ASPH: variants seen among roughly 807,000 people sequenced by gnomAD.
The protein encoded by ASPH is aspartate beta-hydroxylase.
Under a neutral mutation model 118.4 loss-of-function variants are expected in ASPH, and 100 were observed. The observed-to-expected ratio is 0.84, with a 90% CI of 0.72 to 1.00. The LOEUF is 1.00. ASPH is among the 50% of genes least tolerant of loss of function. The pLI, the probability that ASPH is intolerant of heterozygous loss-of-function variation, is 0.00. For missense variants in ASPH, 920 were observed against 919.5 expected (o/e 1.00, Z -0.01); for synonymous variants, 315 against 325.6 (o/e 0.97, Z 0.35).
At chr8:61,667,892 T>A (rs970444690) in intron 3 of ASPH, among the ~76,000 whole-genome samples, 1 of 152,056 alleles carries the variant, frequency 6.6e-6, no homozygotes, top group African/African-American at 2.4e-5. Flanking sequence ...AAAATCAAAG[T>A]AAGAAAGGTT....
intron 1 of ASPH, among the ~76,000 whole-genome samples, chr8:61,699,335 G>A (rs1834699021): frequency 6.6e-6 from 1 of 152,164 alleles, no homozygotes; most frequent in Admixed American, 6.5e-5. Flanking sequence ...CTGTAGAATA[G>A]TGAATCTCAT....
intron 1 of ASPH, among the ~76,000 whole-genome samples, chr8:61,690,206 G>A (rs1230870387): frequency 6.6e-6 from 1 of 152,158 alleles, no homozygotes; most frequent in Non-Finnish European, 1.5e-5. Flanking sequence ...TACAAGGAAA[G>A]ACCATTAGAT....
At chr8:61,639,308 C>T (rs1464820253) in intron 10 of ASPH, among the ~76,000 whole-genome samples, 1 of 152,106 alleles carries the variant, frequency 6.6e-6, no homozygotes, top group African/African-American at 2.4e-5. Flanking sequence ...TCTCATGGCT[C>T]ATCTCTTCCT....
rs759574703 is a variant in ASPH, at chr8:61,580,184, C to G, written c.1063-3326G>C. 9.2e-5 allele frequency among the ~76,000 whole-genome samples: 14 copies of G among 152,278 alleles called. 1 individual carries two copies. In the Middle Eastern group the frequency reaches 0.014, roughly 148 times the overall value. ...GGTATCTGCGGCTTTTCCAGGCACA[C>G]AGTACAAGCTGTTGGTGGATCTACC... On this transcript the variant is annotated intron_variant, in intron 15 of 24. Coordinates refer to ENST00000379454, the MANE Select transcript of ASPH (RefSeq NM_004318.4).
chr8:61,619,486 A>C (rs958908543), intron 13 of ASPH, among the ~76,000 whole-genome samples: 1 of 152,230 alleles, frequency 6.6e-6, no homozygotes, highest in Non-Finnish European at 1.5e-5. Flanking sequence ...TGCTACTCTA[A>C]GGACTTCACA....
intron 22 of ASPH, among the ~76,000 whole-genome samples, chr8:61,523,650 T>C (rs1814107696): frequency 6.6e-6 from 1 of 152,118 alleles, no homozygotes; most frequent in African/African-American, 2.4e-5. Context: ...AATTTGTTTC[T>C]AGAAAATAGT....
At chr8:61,632,662 T>C (rs763768868) in intron 13 of ASPH, 1 of 498,376 alleles carries the variant, frequency 2.0e-6, no homozygotes, top group Admixed American at 2.1e-5. Context: ...TAATCAAATA[T>C]TTGTTTCTGC....
intron 15 of ASPH, chr8:61,579,481 G>C (rs1345232184): frequency 3.1e-6 from 5 of 1,601,650 alleles, no homozygotes; most frequent in Non-Finnish European, 4.3e-6. Flanking sequence ...GGCTATGCAG[G>C]TGGTCTGAGC....
chr8:61,517,470 T>G, intron 24 of ASPH, 58 bp downstream of exon 24: 1 of 1,588,840 alleles, frequency 6.3e-7, no homozygotes, highest in Non-Finnish European at 8.6e-7. Context: ...ACAACTGTGT[T>G]GTAACAAACT....
chr8:61,578,617 G>A (rs1210274752), intron 15 of ASPH: 46 of 1,550,912 alleles, frequency 3.0e-5, no homozygotes, highest in African/African-American at 5.4e-5. Flanking sequence ...AAGATGGCTC[G>A]GAGCAACATG....
intron 21 of ASPH, among the ~76,000 whole-genome samples, chr8:61,537,484 C>T (rs959370430): frequency 4.6e-5 from 7 of 152,154 alleles, no homozygotes; most frequent in African/African-American, 1.7e-4. Flanking sequence ...ATCTTCCTGC[C>T]TCAGCATCCC....
At chr8:61,605,964 T>A (rs1468041220) in intron 14 of ASPH, among the ~76,000 whole-genome samples, 1 of 152,238 alleles carries the variant, frequency 6.6e-6, no homozygotes, top group African/African-American at 2.4e-5. Flanking sequence ...GCTATTATCA[T>A]ACTTCTCAGG....
At chr8:61,690,345 T>A (rs1394843807) in intron 1 of ASPH, among the ~76,000 whole-genome samples, 1 of 151,926 alleles carries the variant, frequency 6.6e-6, no homozygotes, top group African/African-American at 2.4e-5. Context: ...AATGTTTCAC[T>A]AGAAAAGGAG....
intron 14 of ASPH, among the ~76,000 whole-genome samples, chr8:61,601,186 G>C (rs944408470): frequency 4.0e-5 from 6 of 151,144 alleles, no homozygotes; most frequent in Admixed American, 1.3e-4. Flanking sequence ...AATAGGACAA[G>C]CAGAGAGAAC....
rs1419014336 is a variant in ASPH at position 61,642,833 on chromosome 8, G to A, written c.790+55C>T. On this transcript the variant is annotated intron_variant, in intron 10 of 24. Transcript: ENST00000379454. ...GCACTGCAGCCTGGGCAACAAGAGC[G>A]AAACTCCATCTCAAAAAAAAAAAGA... 70 of 1,260,754 alleles carry A rather than the reference G, an allele frequency of 5.6e-5. No homozygotes were observed. In the East Asian group the frequency reaches 1.0e-3, roughly 18 times the overall value. The allele number at this position is 1,260,754 out of a possible 1,614,324, so 78.1% of individuals were successfully genotyped here.
chr8:61,513,622 G>A (rs912019355), intron 24 of ASPH, among the ~76,000 whole-genome samples: 1 of 152,194 alleles, frequency 6.6e-6, no homozygotes, highest in Non-Finnish European at 1.5e-5. Context: ...CAATAGGCAG[G>A]TGAGTTGCAA....
intron 19 of ASPH, 126 bp downstream of exon 19, chr8:61,555,798 G>A: frequency 1.3e-6 from 1 of 784,892 alleles, no homozygotes. Flanking sequence ...ATGGTCTGAG[G>A]GTGGACATCC....
At chr8:61,536,033 G>A (rs1445340835) in intron 21 of ASPH, among the ~76,000 whole-genome samples, 1 of 134,046 alleles carries the variant, frequency 7.5e-6, no homozygotes, top group East Asian at 2.3e-4. Context: ...AAGAAAACAG[G>A]TGACTTTTTT....
At chr8:61,646,697 T>C (rs1027533280) in intron 6 of ASPH, 53 bp downstream of exon 6, 11 of 1,542,206 alleles carry the variant, frequency 7.1e-6, no homozygotes, top group Non-Finnish European at 9.6e-6. Context: ...ACTTCAGTAA[T>C]TAGAAGTCAT....
Sources: gnomAD v4.1 joint callset for allele counts (sites outside exome capture counted in the v4.1 genomes callset) on GRCh38, gnomAD v4.1.1 for gene constraint, MANE v1.5 for transcripts, NCBI Gene and HGNC (gene_info 2026-07-23, HGNC 2026-07-21) for gene names.